HHAT: variants seen among roughly 807,000 people sequenced by gnomAD.
HHAT encodes the protein hedgehog acyltransferase, also known as protein-cysteine N-palmitoyltransferase HHAT.
A neutral mutation model predicts 70.8 loss-of-function variants in HHAT; 47 were observed. The ratio of observed to expected loss-of-function variants is 0.66; its 90% confidence interval spans 0.53 to 0.85. HHAT has a LOEUF of 0.85. HHAT is among the 40% of genes least tolerant of loss of function. The probability of loss-of-function intolerance (pLI) is 0.00; values close to 1 mark genes in which losing one functional copy is unlikely to be tolerated. For missense variants in HHAT, 609 were observed against 604.8 expected, an observed-to-expected ratio of 1.01 and a Z score of -0.07; for synonymous variants, 228 against 247.6, an observed-to-expected ratio of 0.92 and a Z score of 0.74.
chr1:210,332,336 G>A lies in HHAT; in HGVS notation c.-44+3232G>A, dbSNP rs541168951. Among the ~76,000 whole-genome samples the A allele has an allele frequency of 3.9e-5, 6 of 152,296 alleles. No homozygotes were observed. In the South Asian group the frequency reaches 1.2e-3, roughly 32 times the overall value. On this transcript the variant is annotated intron_variant, in intron 1 of 11. Coordinates refer to ENST00000261458, the MANE Select transcript of HHAT (RefSeq NM_018194.6). The stretch of plus-strand genomic sequence containing the variant: ...ACAAAAGTGCAAGTGACATATCCTC[G>A]TGCACCTAACATCTTCATGTATATC...
intron 1 of HHAT, chr1:210,329,356 T>G: frequency 8.4e-7 from 1 of 1,189,930 alleles, no homozygotes; most frequent in African/African-American, 1.6e-5. Context: ...CGCACGGCCC[T>G]GCCCACGTCC....
chr1:210,518,734 A>G (rs922744397), intron 9 of HHAT, among the ~76,000 whole-genome samples: 4 of 152,172 alleles, frequency 2.6e-5, no homozygotes, highest in Non-Finnish European at 5.9e-5. Flanking sequence ...CGGAGGTTGC[A>G]GTGAGCTGAG....
At position 210,623,565 on chromosome 1, in the gene HHAT, G is replaced by T; in HGVS notation, c.1285G>T (p.Ala429Ser). Residue 429 changes from alanine to serine, a missense_variant, in exon 11 of 12, where the codon GCT becomes TCT. By Grantham distance (99) the Ala-to-Ser change is moderately conservative. Coordinates refer to ENST00000261458, the MANE Select transcript of HHAT (RefSeq NM_018194.6). ...CCCACAAGCTCGCCGTCGATTCCAC[G>T]CTGCCCTTGCTTCTTGTTCCACCTC... ...FSPQARRRFHAALASCSTSML... is the reference protein window; with the variant it reads ...FSPQARRRFHSALASCSTSML... 1 of 1,613,908 alleles carries T rather than the reference G, an allele frequency of 6.2e-7. No homozygotes were observed. The highest frequency in any genetic ancestry group is 2.2e-5 in the East Asian group (1 of 44,860).
intron 3 of HHAT, among the ~76,000 whole-genome samples, chr1:210,383,819 A>G (rs2090840647): frequency 6.6e-6 from 1 of 152,226 alleles, no homozygotes; most frequent in South Asian, 2.1e-4. Context: ...AAAGATTGTT[A>G]TGAGGCTGTA....
intron 6 of HHAT, among the ~76,000 whole-genome samples, chr1:210,406,880 G>A (rs547575354): frequency 6.6e-6 from 1 of 152,078 alleles, no homozygotes; most frequent in Admixed American, 6.5e-5. Context: ...AGACACTCTG[G>A]GTTTTATCCA....
chr1:210,572,065 C>T (rs1048935356), intron 9 of HHAT, among the ~76,000 whole-genome samples: 6 of 152,176 alleles, frequency 3.9e-5, no homozygotes, highest in South Asian at 2.1e-4. Context: ...GCTTTGTTTC[C>T]GTAAATGTTA....
At chr1:210,375,400 G>GTC (rs2090106569) in intron 3 of HHAT, among the ~76,000 whole-genome samples, 1 of 152,074 alleles carries the variant, frequency 6.6e-6, no homozygotes. Flanking sequence ...TTTCTCTGAA[G>GTC]TCTACTTTAT....
At chr1:210,409,671 C>T (rs1371813519) in intron 6 of HHAT, among the ~76,000 whole-genome samples, 1 of 152,152 alleles carries the variant, frequency 6.6e-6, no homozygotes, top group Non-Finnish European at 1.5e-5. Flanking sequence ...GTTTGGTGCT[C>T]ACAAACATAT....
intron 10 of HHAT, among the ~76,000 whole-genome samples, chr1:210,594,749 A>G (rs1256193676): frequency 6.6e-6 from 1 of 152,144 alleles, no homozygotes; most frequent in African/African-American, 2.4e-5. Context: ...GAAATTCCTC[A>G]GCTTGTTTGT....
chr1:210,451,946 A>G (rs540325619), intron 7 of HHAT, among the ~76,000 whole-genome samples: 6 of 152,326 alleles, frequency 3.9e-5, no homozygotes, highest in South Asian at 2.1e-4. Flanking sequence ...CTTGTTTTAT[A>G]TAGAGATTTC....
chr1:210,494,541 G>GTTTTTTTTTTTTTT, intron 8 of HHAT, among the ~76,000 whole-genome samples: 2 of 61,940 alleles, frequency 3.2e-5, no homozygotes, highest in Admixed American at 2.3e-4. Flanking sequence ...GTTTGAAATA[G>GTTTTTTTTTTTTTT]CTTTTTTTTT....
intron 9 of HHAT, among the ~76,000 whole-genome samples, chr1:210,583,947 A>ATTTTTTTTTTTTTTTTT (rs371722219): frequency 1.1e-5 from 1 of 88,992 alleles, no homozygotes; most frequent in Admixed American, 1.7e-4. Flanking sequence ...AGTGCAGCTA[A>ATTTTTTTTTTTTTTTTT]TTTTTTTTTT....
chr1:210,506,009 G>T (rs958463276), intron 8 of HHAT, among the ~76,000 whole-genome samples: 7 of 152,170 alleles, frequency 4.6e-5, no homozygotes, highest in African/African-American at 1.4e-4. Flanking sequence ...ACTGGCCATG[G>T]GTTCTGGTCT....
chr1:210,335,713 C>T (rs946185271), intron 1 of HHAT, among the ~76,000 whole-genome samples: 2 of 152,208 alleles, frequency 1.3e-5, no homozygotes, highest in African/African-American at 4.8e-5. Flanking sequence ...GGTCGATTGA[C>T]TATCCACATA....
At chr1:210,509,789 A>G (rs1166187333) in intron 8 of HHAT, among the ~76,000 whole-genome samples, 1 of 152,204 alleles carries the variant, frequency 6.6e-6, no homozygotes, top group Non-Finnish European at 1.5e-5. Context: ...ATCCAAGGAA[A>G]GTGAGAGGCA....
At chr1:210,327,345 C>T (rs911459461), upstream of HHAT, among the ~76,000 whole-genome samples, 4 of 148,036 alleles carry the variant, frequency 2.7e-5, no homozygotes, top group Non-Finnish European at 5.9e-5. Flanking sequence ...TCATGTTGGC[C>T]AGGCTGGTCT....
At chr1:210,667,057 G>A (rs939319657) in intron 11 of HHAT, among the ~76,000 whole-genome samples, 10 of 150,654 alleles carry the variant, frequency 6.6e-5, no homozygotes, top group Admixed American at 2.0e-4. Context: ...TCCAGCCTGG[G>A]CGACAGAGCA....
intron 11 of HHAT, among the ~76,000 whole-genome samples, chr1:210,642,882 G>A (rs1673244715): frequency 1.3e-5 from 2 of 152,090 alleles, no homozygotes; most frequent in Admixed American, 1.3e-4. Context: ...TTCATTGTTA[G>A]TACTTTCTAT....
intron 10 of HHAT, chr1:210,590,539 G>C (rs564006117): frequency 6.8e-4 from 1 of 1,464 alleles, no homozygotes; most frequent in African/African-American, 1.0e-3. Context: ...GTAAGTTCCA[G>C]TCCAAAAAAA....
Sources: allele counts gnomAD v4.1 joint callset (sites outside exome capture counted in the v4.1 genomes callset), GRCh38; gene constraint gnomAD v4.1.1; transcripts MANE v1.5; gene names NCBI Gene and HGNC (gene_info 2026-07-23, HGNC 2026-07-21).